The following ANO4 variants were observed in gnomAD, a reference collection of about 807,000 sequenced individuals.
ANO4 encodes the protein anoctamin 4.
A neutral mutation model predicts 141.9 loss-of-function variants in ANO4; 69 were observed. The ratio of observed to expected loss-of-function variants is 0.49; its 90% CI spans 0.40 to 0.59. ANO4 has a LOEUF of 0.59. ANO4 is among the 20% of genes least tolerant of loss of function. The probability of loss-of-function intolerance (pLI) is 0.00; values close to 1 mark genes in which losing one functional copy is unlikely to be tolerated. For synonymous variants in ANO4, 350 were observed against 394.3 expected (o/e 0.89, Z 1.33); for missense variants, 894 against 1,162.2 (o/e 0.77, Z 3.36).
chr12:101,123,934 C>A (rs1449152123), intron 26 of ANO4, among the ~76,000 whole-genome samples: 1 of 152,094 alleles, frequency 6.6e-6, no homozygotes, highest in East Asian at 1.9e-4. Flanking sequence ...TTTTTGGCTG[C>A]TTGTATATCT....
chr12:100,732,976 G>T (rs1256345467), intron 1 of ANO4, among the ~76,000 whole-genome samples: 1 of 152,040 alleles, frequency 6.6e-6, no homozygotes, highest in East Asian at 1.9e-4. Context: ...AGCTTTTGAG[G>T]GCATTGCATC....
At chr12:100,909,448 A>G (rs2041002856) in intron 2 of ANO4, among the ~76,000 whole-genome samples, 1 of 152,190 alleles carries the variant, frequency 6.6e-6, no homozygotes, top group African/African-American at 2.4e-5. Context: ...GACTTCCCCA[A>G]AAGGAAATAG....
intron 1 of ANO4, among the ~76,000 whole-genome samples, chr12:100,795,972 A>G (rs1477971273): frequency 6.6e-6 from 1 of 152,074 alleles, no homozygotes; most frequent in African/African-American, 2.4e-5. Context: ...TTGACGCCCA[A>G]AGGAAACCAA....
intron 8 of ANO4, among the ~76,000 whole-genome samples, chr12:100,996,701 A>G (rs1015198415): frequency 2.0e-5 from 3 of 152,158 alleles, no homozygotes; most frequent in African/African-American, 7.2e-5. Context: ...GCAGTGGGGC[A>G]GGGAGAAGAA....
intron 14 of ANO4, among the ~76,000 whole-genome samples, chr12:101,050,827 A>C (rs2047834605): frequency 6.6e-6 from 1 of 152,174 alleles, no homozygotes; most frequent in Admixed American, 6.5e-5. Context: ...CAGAAGCCAC[A>C]AGGGTTGAAA....
At chr12:100,975,288 A>G (rs2044118246) in intron 7 of ANO4, among the ~76,000 whole-genome samples, 1 of 151,872 alleles carries the variant, frequency 6.6e-6, no homozygotes, top group Non-Finnish European at 1.5e-5. Flanking sequence ...TACTGTACCC[A>G]ATGTGCAGGC....
At chr12:101,018,536 A>G (rs942742997) in intron 8 of ANO4, among the ~76,000 whole-genome samples, 5 of 152,148 alleles carry the variant, frequency 3.3e-5, no homozygotes, top group African/African-American at 1.2e-4. Context: ...CCCTGTTTCC[A>G]AACCAAACCC....
At chr12:100,910,981 T>C (rs558660681) in intron 2 of ANO4, among the ~76,000 whole-genome samples, 10 of 152,270 alleles carry the variant, frequency 6.6e-5, no homozygotes, top group Admixed American at 3.9e-4. Flanking sequence ...TAGGACATAA[T>C]TGATTTTCCA....
At chr12:100,874,605 T>C (rs1167299790) in intron 1 of ANO4, among the ~76,000 whole-genome samples, 1 of 152,148 alleles carries the variant, frequency 6.6e-6, no homozygotes, top group Non-Finnish European at 1.5e-5. Context: ...CTGCAACCTC[T>C]ACCTCCTGGG....
intron 25 of ANO4, among the ~76,000 whole-genome samples, chr12:101,120,087 G>A (rs1045292896): frequency 6.6e-6 from 1 of 152,204 alleles, no homozygotes; most frequent in Non-Finnish European, 1.5e-5. Context: ...GCCTCAAGCA[G>A]TGTCAGCAGG....
At chr12:101,046,238 T>C (rs2047626259) in intron 13 of ANO4, among the ~76,000 whole-genome samples, 1 of 152,262 alleles carries the variant, frequency 6.6e-6, no homozygotes, top group Non-Finnish European at 1.5e-5. Flanking sequence ...AGGTGGACTA[T>C]GGAGTGAATG....
At chr12:100,933,435 C>A (rs1405284288) in intron 3 of ANO4, among the ~76,000 whole-genome samples, 1 of 152,170 alleles carries the variant, frequency 6.6e-6, no homozygotes, top group East Asian at 1.9e-4. Context: ...CATGTCCCTG[C>A]AAAGGACGTG....
intron 5 of ANO4, among the ~76,000 whole-genome samples, chr12:100,963,443 T>C (rs2043510096): frequency 6.6e-6 from 1 of 152,038 alleles, no homozygotes; most frequent in South Asian, 2.1e-4. Flanking sequence ...TAGGAACATA[T>C]AGTACTTCAA....
chr12:101,109,376 C>T lies in ANO4; in HGVS notation c.2150-1028C>T, dbSNP rs368902834. ...AGGAGTTTGATACCAGCCTGGTCAA[C>T]ACAGTGAAACTCTGTCTCTACTAAA... On this transcript the variant is annotated intron_variant, in intron 22 of 27. Coordinates refer to ENST00000392977, the MANE Select transcript of ANO4 (RefSeq NM_001286615.2). Among the ~76,000 whole-genome samples, 48 of 152,234 alleles carry T rather than the reference C, an allele frequency of 3.2e-4. No homozygotes were observed. In the South Asian group the frequency reaches 6.9e-3, roughly 22 times the overall value.
chr12:101,022,323 ATTC>A (rs2046566783), intron 9 of ANO4, among the ~76,000 whole-genome samples: 1 of 152,128 alleles, frequency 6.6e-6, no homozygotes, highest in Non-Finnish European at 1.5e-5. Flanking sequence ...GCTTGAATGA[ATTC>A]TTCTCTCTTC....
chr12:100,813,016 T>G (rs1484200085), intron 1 of ANO4, among the ~76,000 whole-genome samples: 1 of 152,196 alleles, frequency 6.6e-6, no homozygotes, highest in Non-Finnish European at 1.5e-5. Flanking sequence ...TTGAAAATTG[T>G]TTTTTAACAT....
At chr12:100,922,382 T>G (rs2041670808) in intron 3 of ANO4, 52 bp downstream of exon 3, 1 of 1,282,206 alleles carries the variant, frequency 7.8e-7, no homozygotes, top group African/African-American at 1.5e-5. Flanking sequence ...GCTATTATAA[T>G]ACTTGGGAGG....
At chr12:100,952,263 T>C (rs2043000737) in intron 5 of ANO4, among the ~76,000 whole-genome samples, 1 of 152,244 alleles carries the variant, frequency 6.6e-6, no homozygotes, top group Admixed American at 6.5e-5. Flanking sequence ...ACTAAGTGAA[T>C]AACTGTGTAA....
chr12:101,052,426 C>T (rs2047911380), intron 14 of ANO4, among the ~76,000 whole-genome samples: 1 of 152,146 alleles, frequency 6.6e-6, no homozygotes, highest in Non-Finnish European at 1.5e-5. Context: ...TGGCAGAGAC[C>T]TGTCGGGGAA....
Sources: gnomAD v4.1 joint callset for allele counts (sites outside exome capture counted in the v4.1 genomes callset) on GRCh38, gnomAD v4.1.1 for gene constraint, MANE v1.5 for transcripts, NCBI Gene and HGNC (gene_info 2026-07-23, HGNC 2026-07-21) for gene names.